The following RMDN2 variants were observed in gnomAD, a reference collection of about 807,000 sequenced individuals.
RMDN2 encodes regulator of microtubule dynamics 2.
Under a neutral mutation model 52.8 loss-of-function variants are expected in RMDN2, and 61 were observed. The ratio of observed to expected loss-of-function variants is 1.16; its 90% CI spans 0.94 to 1.43. RMDN2 has a LOEUF of 1.43. Among genes scored for constraint, RMDN2 ranks in the 40% most tolerant of loss-of-function variants. The pLI, the probability that RMDN2 is intolerant of heterozygous loss-of-function variation, is 0.00. For synonymous variants in RMDN2, 180 were observed against 153.1 expected (o/e 1.18, Z -1.30); for missense variants, 592 against 475.3 (o/e 1.25, Z -2.28).
intron 10 of RMDN2, among the ~76,000 whole-genome samples, chr2:38,050,658 G>A (rs1247755430): frequency 6.6e-6 from 1 of 152,174 alleles, no homozygotes; most frequent in African/African-American, 2.4e-5. Context: ...TTGGTTGAGA[G>A]AAGACACAAT....
At chr2:38,052,053 T>A (rs1681635140) in intron 10 of RMDN2, among the ~76,000 whole-genome samples, 1 of 152,228 alleles carries the variant, frequency 6.6e-6, no homozygotes, top group Admixed American at 6.5e-5. Flanking sequence ...ATTGCTGGAT[T>A]GTATGCTAGT....
intron 7 of RMDN2, among the ~76,000 whole-genome samples, chr2:37,995,824 A>G (rs1298668851): frequency 6.6e-6 from 1 of 152,228 alleles, no homozygotes; most frequent in East Asian, 1.9e-4. Context: ...AATTTAAAAA[A>G]CAAAATTATA....
intron 10 of RMDN2, among the ~76,000 whole-genome samples, chr2:38,007,411 A>C (rs964153851): frequency 2.0e-5 from 3 of 152,214 alleles, no homozygotes; most frequent in East Asian, 1.9e-4. Flanking sequence ...AAGAGATTCA[A>C]CTTCTTCCTG....
intron 1 of RMDN2, among the ~76,000 whole-genome samples, chr2:37,927,026 G>A (rs1200416033): frequency 6.6e-6 from 1 of 152,104 alleles, no homozygotes; most frequent in Non-Finnish European, 1.5e-5. Flanking sequence ...TATTTTTAAT[G>A]TGTCATTTTT....
intron 10 of RMDN2, among the ~76,000 whole-genome samples, chr2:38,052,198 G>T (rs1558590239): frequency 6.6e-6 from 1 of 152,006 alleles, no homozygotes; most frequent in Non-Finnish European, 1.5e-5. Context: ...TGGTCTTTTT[G>T]ATAATAGACA....
At chr2:37,951,922 A>C (rs1307961514) in intron 2 of RMDN2, 1 of 1,613,490 alleles carries the variant, frequency 6.2e-7, no homozygotes, top group Non-Finnish European at 8.5e-7. Flanking sequence ...AATGATATTC[A>C]ACAAAGGGGC....
chr2:38,019,736 C>G (rs1447064407), downstream of RMDN2, among the ~76,000 whole-genome samples: 2 of 152,036 alleles, frequency 1.3e-5, no homozygotes, highest in African/African-American at 4.8e-5. Flanking sequence ...GAGTTCAAGA[C>G]AAGCCTGGGC....
At chr2:38,018,257 A>G (rs1243431103), downstream of RMDN2, among the ~76,000 whole-genome samples, 4 of 152,206 alleles carry the variant, frequency 2.6e-5, no homozygotes, top group African/African-American at 9.7e-5. Flanking sequence ...TTGTCATGAG[A>G]TGGAGCATTC....
intron 1 of RMDN2, among the ~76,000 whole-genome samples, chr2:37,926,129 T>G (rs979393722): frequency 6.6e-6 from 1 of 152,244 alleles, no homozygotes. Flanking sequence ...AATGTCTCTT[T>G]ATCCTTGCAA....
chr2:37,990,235 C>A (rs1490390127), intron 6 of RMDN2, among the ~76,000 whole-genome samples: 1 of 150,476 alleles, frequency 6.6e-6, no homozygotes, highest in Non-Finnish European at 1.5e-5. Flanking sequence ...TAAGAATTAG[C>A]CGGCCGGGTG....
chr2:38,019,729 T>A (rs1010974299), downstream of RMDN2, among the ~76,000 whole-genome samples: 1 of 150,616 alleles, frequency 6.6e-6, no homozygotes, highest in Non-Finnish European at 1.5e-5. Context: ...AGCTCAGGAG[T>A]TCAAGACAAG....
chr2:38,017,005 A>T (rs539279209), intron 10 of RMDN2, among the ~76,000 whole-genome samples, 181 bp from the exon 11 acceptor site: 1 of 152,194 alleles, frequency 6.6e-6, no homozygotes, highest in African/African-American at 2.4e-5. Context: ...ATTAAAAAAA[A>T]TAATAAAACA....
At chr2:38,055,797 C>T (rs989443886) in intron 10 of RMDN2, among the ~76,000 whole-genome samples, 2 of 152,180 alleles carry the variant, frequency 1.3e-5, no homozygotes, top group Non-Finnish European at 2.9e-5. Flanking sequence ...GAATAGATTG[C>T]ATGCCCCTGT....
At chr2:37,992,237 A>T (rs995809377) in intron 7 of RMDN2, among the ~76,000 whole-genome samples, 1 of 152,224 alleles carries the variant, frequency 6.6e-6, no homozygotes, top group Non-Finnish European at 1.5e-5. Flanking sequence ...CAGCATTGAA[A>T]TTGAAATTGA....
intron 10 of RMDN2, among the ~76,000 whole-genome samples, chr2:38,010,129 G>T (rs1375621197): frequency 6.6e-6 from 1 of 152,164 alleles, no homozygotes; most frequent in Non-Finnish European, 1.5e-5. Flanking sequence ...TTGCTGGGTG[G>T]TGCCTCCCAG....
chr2:38,033,707 C>T (rs1454155046), intron 10 of RMDN2, among the ~76,000 whole-genome samples: 1 of 152,116 alleles, frequency 6.6e-6, no homozygotes, highest in East Asian at 1.9e-4. Context: ...GCAATATTCA[C>T]TATATAATTA....
At chr2:37,950,341 C>G in intron 2 of RMDN2, 3 of 1,048,644 alleles carry the variant, frequency 2.9e-6, no homozygotes, top group Non-Finnish European at 4.2e-6. Flanking sequence ...AAACACATTC[C>G]ACAGCCATGT....
At chr2:38,032,501 G>A (rs952748511) in intron 10 of RMDN2, among the ~76,000 whole-genome samples, 1 of 152,030 alleles carries the variant, frequency 6.6e-6, no homozygotes, top group Non-Finnish European at 1.5e-5. Context: ...CACCTGTTTG[G>A]GGTTGTTTAC....
chr2:38,064,802 A>G (rs1222164243), intron 10 of RMDN2, among the ~76,000 whole-genome samples: 1 of 152,118 alleles, frequency 6.6e-6, no homozygotes. Context: ...TATGTAATGC[A>G]TCTCTCTCCC....
Sources: allele counts gnomAD v4.1 joint callset (sites outside exome capture counted in the v4.1 genomes callset), GRCh38; gene constraint gnomAD v4.1.1; transcripts MANE v1.5; gene names NCBI Gene and HGNC (gene_info 2026-07-23, HGNC 2026-07-21).